Variants in TFEB observed in about 807,000 individuals in gnomAD.
TFEB encodes T-cell transcription factor EB.
Under a neutral mutation model 48.0 loss-of-function variants are expected in TFEB, and 12 were observed. The ratio of observed to expected loss-of-function variants is 0.25; its 90% CI spans 0.16 to 0.40. TFEB has a LOEUF of 0.40. Ranked by LOEUF, TFEB falls within the 10% of genes least tolerant of loss-of-function variation. The pLI is 1.00. For synonymous variants in TFEB, 244 were observed against 261.4 expected (o/e 0.93, Z 0.64); for missense variants, 509 against 640.3 (o/e 0.79, Z 2.21).
At chr6:41,685,451 T>C (rs1768949346) in intron 8 of TFEB, among the ~76,000 whole-genome samples, 1 of 152,196 alleles carries the variant, frequency 6.6e-6, no homozygotes, top group African/African-American at 2.4e-5. Flanking sequence ...GTGTGCTAGA[T>C]TTTAATGTAA....
chr6:41,728,752 G>A (rs1464363594), intron 1 of TFEB, among the ~76,000 whole-genome samples: 2 of 152,154 alleles, frequency 1.3e-5, no homozygotes, highest in African/African-American at 4.8e-5. Flanking sequence ...ACACCAGGAG[G>A]AGGCTGGGCC....
intron 1 of TFEB, among the ~76,000 whole-genome samples, chr6:41,714,475 G>A (rs1284228584): frequency 6.6e-6 from 1 of 152,220 alleles, no homozygotes; most frequent in Non-Finnish European, 1.5e-5. Flanking sequence ...GGGGAAGAGG[G>A]AGCAGGGGCG....
Position 41,691,111 on chromosome 6 carries a change from G to T in TFEB, c.103C>A (p.Gln35Lys). The T allele has an allele frequency of 6.3e-7, 1 of 1,582,552 alleles. No homozygotes were observed. Among genetic ancestry groups the T allele is most frequent in the South Asian group, 1.1e-5 (1 of 87,584 alleles). The change falls in exon 2 of 9, where the codon CAG (glutamine) becomes AAG (lysine). Residue 35 changes from glutamine (Q) to lysine (K), a missense_variant. Physicochemically the swap from Gln to Lys is moderately conservative, Grantham distance 53. Around this residue, in one of 4 missense-constraint regions of TFEB, gnomAD observed 251 missense variants for 317.2 expected, o/e 0.79. Transcript: ENST00000373033. The surrounding 1 kb of genome is among the most constrained non-coding windows in gnomAD (Gnocchi z 5.2). The part of the protein sequence containing the change: ...MQQQAVMHYM[Q>K]QQQQQQQQQL... ...TGCTGTTGCTGCTGCTGCTGCTGCT[G>T]CATGTAATGCATGACAGCCTGTTGC...
At position 41,691,522 on chromosome 6, in the gene TFEB, G is replaced by A; in HGVS notation, c.-22-287C>T. 3 of 624,128 alleles carry A rather than the reference G, an allele frequency of 4.8e-6. No homozygotes were observed. Among genetic ancestry groups the A allele is most frequent in the Non-Finnish European group, 9.0e-6 (3 of 334,152 alleles). 38.7% of individuals were successfully genotyped at this position (624,128 alleles called of 1,614,324 possible). On this transcript the variant is annotated intron_variant, in intron 1 of 8. Transcript: ENST00000373033. The surrounding 1 kb of genome is among the most constrained non-coding windows in gnomAD (Gnocchi z 5.2). Reference sequence around the variant, plus strand: ...AGAGTCAACTTCCACTCCTCTCTGTGTCACGCCCACATCCTGATCCTGTTA... The same window carrying A: ...AGAGTCAACTTCCACTCCTCTCTGTATCACGCCCACATCCTGATCCTGTTA...
chr6:41,695,568 G>T (rs1296443660), intron 1 of TFEB, among the ~76,000 whole-genome samples: 1 of 152,206 alleles, frequency 6.6e-6, no homozygotes, highest in African/African-American at 2.4e-5. Flanking sequence ...AGGTTACACA[G>T]CTGATTAAGT....
intron 1 of TFEB, among the ~76,000 whole-genome samples, chr6:41,708,535 C>A (rs1364029926): frequency 1.3e-5 from 2 of 152,234 alleles, no homozygotes; most frequent in Admixed American, 1.3e-4. Flanking sequence ...GCAGAGGCCT[C>A]CAATGGCAGT....
At position 41,687,767 on chromosome 6, in the gene TFEB, T is replaced by A; in HGVS notation, c.713A>T (p.Asp238Val). 1 of 1,614,082 alleles carries A rather than the reference T, an allele frequency of 6.2e-7. No homozygotes were observed. The change falls in exon 6 of 9, where the codon GAC (aspartate) becomes GTC (valine). Residue 238 changes from aspartate to valine, a missense_variant. Transcript: ENST00000373033. ...RALAKERQKK[D>V]NHNLIERRRR... ...GCAGGACTCACTTAAGTTGTGATTG[T>A]CTTTCTTCTGCCGCTCCTTGGCCAG... is the stretch of plus-strand genomic sequence containing the variant.
At chr6:41,693,511 A>G (rs1043492445) in intron 1 of TFEB, among the ~76,000 whole-genome samples, 4 of 152,114 alleles carry the variant, frequency 2.6e-5, no homozygotes, top group African/African-American at 4.8e-5. Flanking sequence ...GAGGGTCTCC[A>G]CACAGAGCAG....
At chr6:41,689,679 T>C (rs1474382279) in intron 4 of TFEB, 52 bp downstream of exon 4, 13 of 1,442,322 alleles carry the variant, frequency 9.0e-6, no homozygotes, top group African/African-American at 1.4e-5. Flanking sequence ...CCACAGTGGG[T>C]GCCCCCCTCC....
chr6:41,687,034 A>G (rs1769045866), intron 7 of TFEB, 60 bp downstream of exon 7: 1 of 1,434,358 alleles, frequency 7.0e-7, no homozygotes. Context: ...GAGGGCAGAT[A>G]ATACTTGTCA....
chr6:41,688,631 G>C (rs555179495), intron 4 of TFEB, among the ~76,000 whole-genome samples: 1 of 152,278 alleles, frequency 6.6e-6, no homozygotes, highest in African/African-American at 2.4e-5. Context: ...GGAAAGATCT[G>C]CCACAGAAAC....
At chr6:41,699,325 C>G (rs1238475069) in intron 1 of TFEB, among the ~76,000 whole-genome samples, 1 of 152,230 alleles carries the variant, frequency 6.6e-6, no homozygotes, top group Non-Finnish European at 1.5e-5. Flanking sequence ...TGCATAAGTT[C>G]CTTTGGGGAA....
chr6:41,700,428 T>G (rs1279311853), intron 1 of TFEB, among the ~76,000 whole-genome samples: 1 of 141,398 alleles, frequency 7.1e-6, no homozygotes, highest in Non-Finnish European at 1.5e-5. Flanking sequence ...ATCTCGCCAC[T>G]GCACTCCAGC....
Position 41,723,354 on chromosome 6 carries a change from C to G in TFEB, c.-23+11996G>C. 1.4e-6 allele frequency: 1 copy of G among 713,662 alleles called. No individual in the cohort carries two copies. The highest frequency in any genetic ancestry group is 2.1e-6 in the Non-Finnish European group (1 of 466,700). The allele number at this position is 713,662 out of a possible 1,614,324, so 44.2% of individuals were successfully genotyped here. ...TCCCCAAAGACACCACACGCATGCA[C>G]ATACACTCACACAGATGCACACAGG... is the stretch of plus-strand genomic sequence containing the variant. On this transcript the variant is annotated intron_variant, in intron 1 of 8. Transcript: ENST00000373033. The surrounding 1 kb of genome is among the most constrained non-coding windows in gnomAD (Gnocchi z 6.0).
In TFEB at chr6:41,691,387, C is replaced by T; in HGVS notation, c.-22-152G>A. 1.2e-6 allele frequency: 1 copy of T among 828,700 alleles called. No individual in the cohort carries two copies. 51.3% of individuals were successfully genotyped at this position (828,700 alleles called of 1,614,324 possible). A position where few individuals can be genotyped will look rare whatever the true frequency, so the allele number is the denominator to read the frequency against. On this transcript the variant is annotated intron_variant, in intron 1 of 8. Transcript: ENST00000373033. The surrounding 1 kb of genome is among the most constrained non-coding windows in gnomAD (Gnocchi z 5.2). ...AGGGGAAGAGATTTGCCCAAGGTCA[C>T]TGAGCAAGCGGGTGACAGCTGAGAC... is the stretch of plus-strand genomic sequence containing the variant.
At chr6:41,733,826 T>C (rs1178056163) in intron 1 of TFEB, 4 of 985,418 alleles carry the variant, frequency 4.1e-6, no homozygotes, top group Non-Finnish European at 4.8e-6. Flanking sequence ...CACCAAGAAC[T>C]GCGTTCTAAC....
chr6:41,693,702 G>A (rs1284716154), intron 1 of TFEB, among the ~76,000 whole-genome samples: 2 of 152,064 alleles, frequency 1.3e-5, no homozygotes, highest in Non-Finnish European at 2.9e-5. Context: ...AATCAGTAAA[G>A]GGGCTGTCTC....
chr6:41,693,312 C>T (rs576125389), intron 1 of TFEB, among the ~76,000 whole-genome samples: 1 of 152,322 alleles, frequency 6.6e-6, no homozygotes, highest in Admixed American at 6.5e-5. Flanking sequence ...TGAGCATTTA[C>T]TGTATGTCAG....
At chr6:41,726,501 TGATAC>T (rs922979159) in intron 1 of TFEB, among the ~76,000 whole-genome samples, 1 of 152,106 alleles carries the variant, frequency 6.6e-6, no homozygotes. Context: ...TGGAGTGCAT[TGATAC>T]GATCTTGGCT....
Sources: gnomAD v4.1 joint callset for allele counts (sites outside exome capture counted in the v4.1 genomes callset) on GRCh38, gnomAD v4.1.1 for gene constraint, gnomAD v4.1.1 regional missense constraint, Gnocchi (gnomAD v3.1) non-coding constraint, MANE v1.5 for transcripts, NCBI Gene and HGNC (gene_info 2026-07-23, HGNC 2026-07-21) for gene names.